ZCWPW2: variants seen among roughly 807,000 people sequenced by gnomAD.
ZCWPW2 encodes zinc finger CW-type and PWWP domain containing 2, also known as zinc finger CW-type PWWP domain protein 2.
A neutral mutation model predicts 46.6 loss-of-function variants in ZCWPW2; 45 were observed. That is an observed-to-expected ratio of 0.96 (90% CI 0.76 to 1.24). ZCWPW2 has a LOEUF of 1.24. ZCWPW2 is among the 50% of genes most tolerant of loss of function. ZCWPW2 has a pLI of 0.00. For missense variants in ZCWPW2, 429 were observed against 403.9 expected, an observed-to-expected ratio of 1.06 and a Z score of -0.53; for synonymous variants, 152 against 137.1, an observed-to-expected ratio of 1.11 and a Z score of -0.76.
intron 3 of ZCWPW2, among the ~76,000 whole-genome samples, chr3:28,430,291 A>G (rs1697202092): frequency 6.6e-6 from 1 of 152,200 alleles, no homozygotes; most frequent in Non-Finnish European, 1.5e-5. Flanking sequence ...GATAATTTCA[A>G]AGCTTTATGA....
At chr3:28,456,275 C>T (rs1206891958) in intron 4 of ZCWPW2, among the ~76,000 whole-genome samples, 2 of 152,058 alleles carry the variant, frequency 1.3e-5, no homozygotes, top group Non-Finnish European at 2.9e-5. Context: ...TGCGATTTTG[C>T]TCTTGGTTTG....
rs17021505 is a variant in ZCWPW2, at chr3:28,510,885, G to C, written c.658-3179G>C. On this transcript the variant is annotated intron_variant, in intron 6 of 9. Transcript: ENST00000383768. ...ACTGTATTAGTCATTTACAAACACTGTGCATGTCCACTGAGGATTAGTAGG... is the reference window on the plus strand; with the variant it reads ...ACTGTATTAGTCATTTACAAACACTCTGCATGTCCACTGAGGATTAGTAGG... 1,326 of 315,450 alleles carry C rather than the reference G, an allele frequency of 4.2e-3. 15 individuals are homozygous for C. The highest frequency in any genetic ancestry group is 0.026 in the African/African-American group (1,205 of 46,334). 19.5% of individuals were successfully genotyped at this position (315,450 alleles called of 1,614,324 possible). A position where few individuals can be genotyped will look rare whatever the true frequency, so the allele number is the denominator to read the frequency against.
At chr3:28,413,545 T>G (rs1696494910) in intron 3 of ZCWPW2, 145 bp downstream of exon 3, 1 of 684,612 alleles carries the variant, frequency 1.5e-6, no homozygotes, top group Non-Finnish European at 2.2e-6. Context: ...TCTTTGGATT[T>G]TTTTCTAGCT....
chr3:28,514,599 AG>A (rs2125833953), intron 7 of ZCWPW2, among the ~76,000 whole-genome samples: 1 of 152,330 alleles, frequency 6.6e-6, no homozygotes, highest in South Asian at 2.1e-4. Context: ...CTGTGTTTAC[AG>A]TTTTCTAAAA....
chr3:28,376,937 G>A (rs779616725), intron 1 of ZCWPW2, among the ~76,000 whole-genome samples: 2 of 152,060 alleles, frequency 1.3e-5, no homozygotes, highest in African/African-American at 2.4e-5. Flanking sequence ...TGAACATACT[G>A]TTTAAGCATA....
At chr3:28,420,105 A>AT (rs1002203605) in intron 3 of ZCWPW2, among the ~76,000 whole-genome samples, 19 of 150,764 alleles carry the variant, frequency 1.3e-4, no homozygotes, top group African/African-American at 4.4e-4. Flanking sequence ...GGAATCATTG[A>AT]TTTTTTGAAG....
intron 6 of ZCWPW2, among the ~76,000 whole-genome samples, chr3:28,498,792 C>T (rs1406715223): frequency 1.3e-5 from 2 of 152,030 alleles, no homozygotes; most frequent in Non-Finnish European, 2.9e-5. Context: ...AATGCTATCC[C>T]TCCCCTAGCC....
chr3:28,433,660 G>A (rs1697360630), intron 3 of ZCWPW2, among the ~76,000 whole-genome samples: 1 of 151,796 alleles, frequency 6.6e-6, no homozygotes. Flanking sequence ...GGAGACTGAG[G>A]CTGGAGAATT....
At chr3:28,452,388 G>A (rs1047515079) in intron 4 of ZCWPW2, among the ~76,000 whole-genome samples, 5 of 152,128 alleles carry the variant, frequency 3.3e-5, no homozygotes, top group Non-Finnish European at 7.4e-5. Context: ...CAGTTCAAGC[G>A]ATTCTCCTGC....
chr3:28,431,998 G>A (rs187454900), intron 3 of ZCWPW2, among the ~76,000 whole-genome samples: 16 of 152,224 alleles, frequency 1.1e-4, no homozygotes, highest in African/African-American at 3.9e-4. Context: ...CCTTATAAAA[G>A]CATCAGATCT....
chr3:28,423,816 G>T (rs1264453638), intron 3 of ZCWPW2, among the ~76,000 whole-genome samples: 1 of 151,944 alleles, frequency 6.6e-6, no homozygotes, highest in Non-Finnish European at 1.5e-5. Context: ...AATGCTTCTT[G>T]CAAGTTTGAA....
chr3:28,370,894 A>T (rs1705310522), intron 1 of ZCWPW2, among the ~76,000 whole-genome samples: 1 of 152,008 alleles, frequency 6.6e-6, no homozygotes, highest in Non-Finnish European at 1.5e-5. Flanking sequence ...CACCATGCCC[A>T]GCTAATTTTG....
At chr3:28,369,786 G>T (rs1397636414) in intron 1 of ZCWPW2, among the ~76,000 whole-genome samples, 1 of 152,212 alleles carries the variant, frequency 6.6e-6, no homozygotes, top group African/African-American at 2.4e-5. Context: ...AGGCCTCCTT[G>T]AGCTGAGGTG....
chr3:28,476,539 T>C (rs182168216), intron 4 of ZCWPW2, among the ~76,000 whole-genome samples: 20 of 152,276 alleles, frequency 1.3e-4, no homozygotes, highest in African/African-American at 4.6e-4. Flanking sequence ...TCTTATACTA[T>C]TTCTGTAGGG....
intron 6 of ZCWPW2, among the ~76,000 whole-genome samples, chr3:28,497,510 T>G (rs1001743019): frequency 6.6e-6 from 1 of 151,602 alleles, no homozygotes; most frequent in African/African-American, 2.4e-5. Flanking sequence ...TCCTTGGATA[T>G]ATATCCTTAA....
intron 4 of ZCWPW2, among the ~76,000 whole-genome samples, chr3:28,437,361 C>G (rs1466153533): frequency 6.6e-6 from 1 of 152,166 alleles, no homozygotes; most frequent in Non-Finnish European, 1.5e-5. Flanking sequence ...AGGATTTTCA[C>G]TAAATATGGA....
chr3:28,433,978 A>G (rs1205210985), intron 3 of ZCWPW2, among the ~76,000 whole-genome samples: 1 of 150,482 alleles, frequency 6.6e-6, no homozygotes, highest in African/African-American at 2.4e-5. Context: ...TTCTCTTATA[A>G]TACCCTTGAA....
At chr3:28,453,108 C>G (rs1159749381) in intron 4 of ZCWPW2, among the ~76,000 whole-genome samples, 1 of 152,084 alleles carries the variant, frequency 6.6e-6, no homozygotes, top group African/African-American at 2.4e-5. Flanking sequence ...ATGAATAAGC[C>G]CAATATCAGC....
rs185043957 is a variant in ZCWPW2 at position 28,351,961 on chromosome 3, G to C, written c.-134+2758G>C. ...GTTCAGGTTACTATCTTTAGGGTAT[G>C]AGAATAGTTTTAGTGGCAAGGATAA... On this transcript the variant is annotated intron_variant, in intron 1 of 9. Transcript: ENST00000383768. 4.6e-5 allele frequency among the ~76,000 whole-genome samples: 7 copies of C among 152,230 alleles called. No individual in the cohort carries two copies. In the East Asian group the frequency reaches 1.2e-3, roughly 25 times the overall value.
Sources: gnomAD v4.1 joint callset for allele counts (sites outside exome capture counted in the v4.1 genomes callset) on GRCh38, gnomAD v4.1.1 for gene constraint, MANE v1.5 for transcripts, NCBI Gene and HGNC (gene_info 2026-07-23, HGNC 2026-07-21) for gene names.